BRD10: variants seen among roughly 807,000 people sequenced by gnomAD.
BRD10 encodes bromodomain containing 10.
At chr9:5,998,316 T>C in the BRD10 span, among the ~76,000 whole-genome samples, 1 of 152,082 alleles carries the variant, frequency 6.6e-6, no homozygotes, top group Non-Finnish European at 1.5e-5. Flanking sequence ...ATTACGAATA[T>C]AAACACTAAT....
the BRD10 span, among the ~76,000 whole-genome samples, chr9:5,995,011 T>C: frequency 6.6e-6 from 1 of 151,988 alleles, no homozygotes; most frequent in African/African-American, 2.4e-5. Context: ...GCAATTCTCC[T>C]GCCTCAGCCT....
the BRD10 span, among the ~76,000 whole-genome samples, chr9:5,926,529 TTTTA>T: frequency 6.6e-6 from 1 of 152,098 alleles, no homozygotes; most frequent in Middle Eastern, 3.4e-3. Flanking sequence ...GCTTTAAATT[TTTTA>T]TTTATTTATT....
At chr9:6,002,881 C>T in the BRD10 span, among the ~76,000 whole-genome samples, 2 of 151,932 alleles carry the variant, frequency 1.3e-5, no homozygotes, top group Non-Finnish European at 2.9e-5. Context: ...GATGGGGTTT[C>T]ATCATGTTGG....
the BRD10 span, chr9:6,007,254 G>T: frequency 6.2e-7 from 1 of 1,613,924 alleles, no homozygotes; most frequent in South Asian, 1.1e-5. Context: ...CCTGTTTGGA[G>T]ATCCAGTGGT....
the BRD10 span, among the ~76,000 whole-genome samples, chr9:5,901,813 C>T: frequency 3.9e-4 from 60 of 152,292 alleles, 1 homozygote; most frequent in East Asian, 9.4e-3. Context: ...TGAGCCACCA[C>T]GCCTGGCCTG....
chr9:6,008,041 C>G, the BRD10 span: 57 of 1,149,332 alleles, frequency 5.0e-5, no homozygotes, highest in Non-Finnish European at 5.6e-5. Context: ...TCCCCTCCCC[C>G]CCGGCGGCGG....
chr9:5,905,839 C>T, the BRD10 span, among the ~76,000 whole-genome samples: 1 of 152,214 alleles, frequency 6.6e-6, no homozygotes, highest in African/African-American at 2.4e-5. Context: ...GGCACACTTT[C>T]TCAGGACCTC....
At chr9:5,919,699 G>A in the BRD10 span, 9 of 1,609,600 alleles carry the variant, frequency 5.6e-6, no homozygotes, top group East Asian at 2.0e-4. Flanking sequence ...ATGCAGCTCT[G>A]TCAGGCTTCT....
At chr9:5,928,747 A>C in the BRD10 span, among the ~76,000 whole-genome samples, 1 of 152,084 alleles carries the variant, frequency 6.6e-6, no homozygotes, top group South Asian at 2.1e-4. Context: ...ACCCTGCCCA[A>C]ATCAGCCATT....
chr9:5,974,315 C>A, the BRD10 span, among the ~76,000 whole-genome samples: 5 of 152,098 alleles, frequency 3.3e-5, no homozygotes, highest in African/African-American at 1.2e-4. Context: ...AAGTTAAAGT[C>A]ATTTTCAATT....
chr9:5,994,027 A>C, the BRD10 span, among the ~76,000 whole-genome samples: 6 of 152,224 alleles, frequency 3.9e-5, no homozygotes, highest in African/African-American at 1.4e-4. Context: ...GCTCTGTGCT[A>C]CAACAGCCAT....
the BRD10 span, among the ~76,000 whole-genome samples, chr9:5,887,277 TATCTC>T: frequency 2.6e-5 from 4 of 152,004 alleles, no homozygotes; most frequent in East Asian, 1.9e-4. Context: ...CACCAAAAAA[TATCTC>T]AAACAAGCTG....
At chr9:5,916,695 T>C in the BRD10 span, among the ~76,000 whole-genome samples, 2 of 152,078 alleles carry the variant, frequency 1.3e-5, no homozygotes, top group Non-Finnish European at 2.9e-5. Flanking sequence ...GCAGGCTATT[T>C]CAGCATCTTT....
At chr9:5,953,388 G>A in the BRD10 span, among the ~76,000 whole-genome samples, 2 of 152,068 alleles carry the variant, frequency 1.3e-5, no homozygotes, top group Non-Finnish European at 1.5e-5. Flanking sequence ...GAGATTCTCT[G>A]CTTAGTATTA....
the BRD10 span, chr9:5,890,945 G>A: frequency 4.6e-5 from 7 of 152,154 alleles, no homozygotes; most frequent in African/African-American, 1.7e-4. Context: ...AGGTAAGAGC[G>A]TTGCCTTCTC....
chr9:5,896,294 G>GA, the BRD10 span, among the ~76,000 whole-genome samples: 54 of 152,326 alleles, frequency 3.5e-4, no homozygotes, highest in East Asian at 0.01. Context: ...GGCACAAATT[G>GA]GTGCTCAATG....
At chr9:5,936,978 T>C in the BRD10 span, among the ~76,000 whole-genome samples, 3 of 152,168 alleles carry the variant, frequency 2.0e-5, no homozygotes, top group Admixed American at 1.3e-4. Flanking sequence ...ATGCCTGTAA[T>C]CCCAGCACTT....
the BRD10 span, among the ~76,000 whole-genome samples, chr9:5,941,233 T>TA: frequency 1.5e-4 from 23 of 152,196 alleles, no homozygotes; most frequent in African/African-American, 4.3e-4. Flanking sequence ...AAGTTATCAA[T>TA]ATCTTAGCTC....
chr9:5,943,427 C>G, the BRD10 span, among the ~76,000 whole-genome samples: 6 of 151,538 alleles, frequency 4.0e-5, no homozygotes, highest in African/African-American at 1.5e-4. Flanking sequence ...TTGTTTAGAA[C>G]GAAATATGGA....
Sources: allele counts gnomAD v4.1 joint callset (sites outside exome capture counted in the v4.1 genomes callset), GRCh38; gene constraint gnomAD v4.1.1; transcripts MANE v1.5; gene names NCBI Gene and HGNC (gene_info 2026-07-23, HGNC 2026-07-21).